TPRG1: variants seen among roughly 807,000 people sequenced by gnomAD.
TPRG1 encodes tumor protein p63-regulated gene 1 protein.
A neutral mutation model predicts 29.3 loss-of-function variants in TPRG1; 29 were observed. That is an observed-to-expected ratio of 0.99 (90% CI 0.74 to 1.35). The LOEUF (loss-of-function observed/expected upper bound fraction) is 1.35. Among genes scored for constraint, TPRG1 ranks in the 40% most tolerant of loss-of-function variants. The pLI, the probability that TPRG1 is intolerant of heterozygous loss-of-function variation, is 0.00. For synonymous variants in TPRG1, 130 were observed against 116.8 expected (o/e 1.11, Z -0.73); for missense variants, 327 against 335.0 (o/e 0.98, Z 0.19).
chr3:188,998,011 C>T (rs545502824), intron 1 of TPRG1, among the ~76,000 whole-genome samples: 2 of 151,404 alleles, frequency 1.3e-5, no homozygotes, highest in African/African-American at 4.9e-5. Context: ...CATTCATTCC[C>T]TCCCTCACTC....
At chr3:189,223,772 A>AAG (rs1737278739) in intron 3 of TPRG1, among the ~76,000 whole-genome samples, 2 of 152,202 alleles carry the variant, frequency 1.3e-5, no homozygotes, top group Admixed American at 6.5e-5. Context: ...TAAGAGCGTT[A>AAG]TTTCAATGAT....
intron 2 of TPRG1, among the ~76,000 whole-genome samples, chr3:189,001,205 A>G (rs1388377765): frequency 2.0e-5 from 3 of 152,180 alleles, no homozygotes; most frequent in African/African-American, 7.2e-5. Flanking sequence ...TTCAAGTTTC[A>G]CAATTTTTGA....
At chr3:189,179,021 C>A (rs766366474) in intron 1 of TPRG1, among the ~76,000 whole-genome samples, 6 of 152,172 alleles carry the variant, frequency 3.9e-5, no homozygotes, top group Non-Finnish European at 7.4e-5. Context: ...GAACCATCTG[C>A]TTGGCTGGAG....
intron 4 of TPRG1, among the ~76,000 whole-genome samples, chr3:189,068,660 C>T (rs1716614919): frequency 6.6e-6 from 1 of 152,122 alleles, no homozygotes; most frequent in South Asian, 2.1e-4. Flanking sequence ...CCTGTAATCC[C>T]AGGTACTCAG....
intron 5 of TPRG1, among the ~76,000 whole-genome samples, chr3:189,319,523 A>C (rs1003420583): frequency 1.3e-5 from 2 of 151,854 alleles, no homozygotes; most frequent in East Asian, 1.9e-4. Context: ...TTTGGCTTGA[A>C]CCCCCTGCCC....
intron 3 of TPRG1, among the ~76,000 whole-genome samples, chr3:189,232,447 A>G (rs1457445371): frequency 6.6e-6 from 1 of 152,190 alleles, no homozygotes; most frequent in African/African-American, 2.4e-5. Flanking sequence ...AGCAAGCCCT[A>G]TGGGCAAGAG....
At chr3:189,278,817 T>C (rs1716607679) in intron 4 of TPRG1, among the ~76,000 whole-genome samples, 1 of 152,174 alleles carries the variant, frequency 6.6e-6, no homozygotes, top group African/African-American at 2.4e-5. Context: ...TGTGATCTTC[T>C]TTTCTCTTCC....
At chr3:189,118,231 A>G (rs952912204) in intron 1 of TPRG1, among the ~76,000 whole-genome samples, 10 of 152,170 alleles carry the variant, frequency 6.6e-5, no homozygotes, top group African/African-American at 2.2e-4. Context: ...TTGCTATGGA[A>G]AGAGACTGGC....
chr3:189,113,206 T>G (rs1039778582), intron 1 of TPRG1, among the ~76,000 whole-genome samples: 1 of 152,208 alleles, frequency 6.6e-6, no homozygotes, highest in African/African-American at 2.4e-5. Flanking sequence ...AGAATCCTTG[T>G]GATTTTTGTA....
rs186388437 is a variant in TPRG1, at chr3:189,003,020, G to T, written c.-877-1523G>T. 3.3e-5 allele frequency among the ~76,000 whole-genome samples: 5 copies of T among 152,186 alleles called. No individual in the cohort carries two copies. The East Asian group carries it at 5.8e-4, about 18-fold the overall frequency. On this transcript the variant is annotated intron_variant, in intron 2 of 10. Transcript: ENST00000433971. Reference sequence around the variant, plus strand: ...TATTAATAATTTTAAAATGGCTTCCGAGTCTTCTAAACAAAGACTGAAATA... The same window carrying T: ...TATTAATAATTTTAAAATGGCTTCCTAGTCTTCTAAACAAAGACTGAAATA...
intron 4 of TPRG1, among the ~76,000 whole-genome samples, chr3:189,269,743 C>T (rs1340025953): frequency 6.6e-6 from 1 of 152,190 alleles, no homozygotes; most frequent in Admixed American, 6.5e-5. Context: ...CTTTAATCTC[C>T]CTCATTTTAC....
At chr3:189,002,347 T>C (rs1712070100) in intron 2 of TPRG1, among the ~76,000 whole-genome samples, 2 of 152,240 alleles carry the variant, frequency 1.3e-5, no homozygotes, top group South Asian at 4.1e-4. Flanking sequence ...ACAACTGATA[T>C]ATCTATAAAT....
At chr3:189,180,929 C>T (rs748355458) in intron 1 of TPRG1, among the ~76,000 whole-genome samples, 1 of 152,190 alleles carries the variant, frequency 6.6e-6, no homozygotes, top group Non-Finnish European at 1.5e-5. Context: ...CATTTCCATA[C>T]ATCTTCTAAA....
chr3:189,030,710 A>G (rs747661788), intron 4 of TPRG1, among the ~76,000 whole-genome samples: 54 of 152,102 alleles, frequency 3.6e-4, no homozygotes, highest in Non-Finnish European at 6.3e-4. Flanking sequence ...TGGAGTGTAC[A>G]ACCTGTTCTG....
At chr3:189,083,952 C>T (rs1578314870) in intron 4 of TPRG1, among the ~76,000 whole-genome samples, 1 of 151,978 alleles carries the variant, frequency 6.6e-6, no homozygotes, top group South Asian at 2.1e-4. Context: ...CTGAGGCAGG[C>T]GGATCACCAG....
At chr3:189,236,776 TC>T (rs1233792947) in intron 3 of TPRG1, among the ~76,000 whole-genome samples, 1 of 152,168 alleles carries the variant, frequency 6.6e-6, no homozygotes, top group African/African-American at 2.4e-5. Flanking sequence ...GCTTCTCCTT[TC>T]TTTCTTTCAC....
intron 4 of TPRG1, among the ~76,000 whole-genome samples, chr3:189,060,242 CAAAG>C: frequency 6.6e-6 from 1 of 152,116 alleles, no homozygotes. Flanking sequence ...CAAAAACAAA[CAAAG>C]AAACAAACAA....
At chr3:189,056,790 T>C (rs1464995493) in intron 4 of TPRG1, among the ~76,000 whole-genome samples, 1 of 152,140 alleles carries the variant, frequency 6.6e-6, no homozygotes, top group Non-Finnish European at 1.5e-5. Flanking sequence ...AGGGTGGGGT[T>C]TTCAGTTTTT....
At chr3:189,207,827 G>A (rs931017061) in intron 2 of TPRG1, among the ~76,000 whole-genome samples, 1 of 152,138 alleles carries the variant, frequency 6.6e-6, no homozygotes, top group Non-Finnish European at 1.5e-5. Flanking sequence ...GTGTGTCCTC[G>A]AGCTTCCTTC....
Sources: allele counts gnomAD v4.1 joint callset (sites outside exome capture counted in the v4.1 genomes callset), GRCh38; gene constraint gnomAD v4.1.1; transcripts MANE v1.5; gene names NCBI Gene and HGNC (gene_info 2026-07-23, HGNC 2026-07-21).